Variants in SLC16A7 observed in about 807,000 individuals in gnomAD.
SLC16A7 encodes monocarboxylate transporter 2.
Under a neutral mutation model 34.9 loss-of-function variants are expected in SLC16A7, and 33 were observed. The ratio of observed to expected loss-of-function variants is 0.94; its 90% CI spans 0.72 to 1.26. The LOEUF (loss-of-function observed/expected upper bound fraction) is 1.26, where lower values mean the gene tolerates loss of function less well. SLC16A7 is among the 50% of genes most tolerant of loss of function. The probability of loss-of-function intolerance (pLI) is 0.00; values close to 1 mark genes in which losing one functional copy is unlikely to be tolerated. For missense variants in SLC16A7, 573 were observed against 578.1 expected, an observed-to-expected ratio of 0.99 and a Z score of 0.09; for synonymous variants, 201 against 206.6, an observed-to-expected ratio of 0.97 and a Z score of 0.23.
intron 2 of SLC16A7, among the ~76,000 whole-genome samples, chr12:59,689,096 T>C (rs1871368111): frequency 6.6e-6 from 1 of 152,020 alleles, no homozygotes; most frequent in South Asian, 2.1e-4. Flanking sequence ...TCACTATTTT[T>C]AAACTAAAAA....
chr12:59,765,372 G>A (rs538005846), intron 3 of SLC16A7, among the ~76,000 whole-genome samples: 135 of 152,122 alleles, frequency 8.9e-4, no homozygotes, highest in African/African-American at 2.4e-3. Flanking sequence ...TTTTGTTGCC[G>A]TTGCTTTTGG....
intron 2 of SLC16A7, among the ~76,000 whole-genome samples, chr12:59,695,656 T>C (rs1227826553): frequency 6.6e-6 from 1 of 152,054 alleles, no homozygotes; most frequent in Non-Finnish European, 1.5e-5. Context: ...GTTGCCTTTG[T>C]TCAGCACTTT....
intron 1 of SLC16A7, among the ~76,000 whole-genome samples, chr12:59,623,713 G>T (rs937784231): frequency 1.3e-5 from 2 of 151,574 alleles, no homozygotes; most frequent in Non-Finnish European, 1.5e-5. Context: ...TATGCAAAGA[G>T]AATTTTGTTT....
At chr12:59,750,614 A>G (rs756614395) in intron 3 of SLC16A7, among the ~76,000 whole-genome samples, 1 of 152,198 alleles carries the variant, frequency 6.6e-6, no homozygotes, top group Non-Finnish European at 1.5e-5. Flanking sequence ...TGTTGGTGGA[A>G]GTGTAAATTA....
At chr12:59,607,112 G>A (rs1225121793) in intron 1 of SLC16A7, among the ~76,000 whole-genome samples, 1 of 152,044 alleles carries the variant, frequency 6.6e-6, no homozygotes, top group African/African-American at 2.4e-5. Flanking sequence ...GAGTAGTTGT[G>A]ACTTAGCCTG....
chr12:59,713,584 A>G (rs1043282106), intron 3 of SLC16A7, among the ~76,000 whole-genome samples: 13 of 152,210 alleles, frequency 8.5e-5, no homozygotes, highest in Non-Finnish European at 4.4e-5. Flanking sequence ...ATTGTTCCAA[A>G]GGGATTTTTA....
rs895800790 is a variant in SLC16A7 at position 59,786,221 on chromosome 12, A to G, written c.*6542A>G. 6.6e-6 allele frequency: 1 copy of G among 150,924 alleles called. No individual in the cohort carries two copies. Among genetic ancestry groups the G allele is most frequent in the African/African-American group, 2.4e-5 (1 of 41,348 alleles). 9.3% of individuals were successfully genotyped at this position (150,924 alleles called of 1,614,324 possible). A position where few individuals can be genotyped will look rare whatever the true frequency, so the allele number is the denominator to read the frequency against. On this transcript the variant is annotated 3_prime_UTR_variant, in exon 6 of 6. Transcript: ENST00000547379. ...AAAATAAAATAAAATAATAAAAATAAAAATAAAATAGAATAAGTTGATAAA... is the reference window on the plus strand; with the variant it reads ...AAAATAAAATAAAATAATAAAAATAGAAATAAAATAGAATAAGTTGATAAA...
intron 1 of SLC16A7, among the ~76,000 whole-genome samples, chr12:59,601,652 A>C (rs912192644): frequency 4.6e-5 from 7 of 152,212 alleles, no homozygotes; most frequent in Admixed American, 4.6e-4. Flanking sequence ...TAGACAGATT[A>C]GGTAGCTTAT....
chr12:59,709,996 T>C (rs558020822), intron 3 of SLC16A7, among the ~76,000 whole-genome samples: 4 of 151,802 alleles, frequency 2.6e-5, no homozygotes, highest in African/African-American at 7.3e-5. Flanking sequence ...TACTGATCAT[T>C]ACAAACATGA....
chr12:59,716,339 A>G (rs778262751), intron 3 of SLC16A7, among the ~76,000 whole-genome samples: 2 of 152,198 alleles, frequency 1.3e-5, no homozygotes, highest in African/African-American at 2.4e-5. Flanking sequence ...AAACCGTTAA[A>G]TAGAACTCCG....
intron 3 of SLC16A7, among the ~76,000 whole-genome samples, chr12:59,710,976 A>G (rs1178925124): frequency 6.6e-6 from 1 of 152,092 alleles, no homozygotes; most frequent in African/African-American, 2.4e-5. Context: ...TTATGTTGAT[A>G]TTCTTCCCCT....
intron 2 of SLC16A7, among the ~76,000 whole-genome samples, chr12:59,665,943 A>G (rs1869165125): frequency 6.6e-6 from 1 of 152,048 alleles, no homozygotes; most frequent in Admixed American, 6.6e-5. Context: ...CTGGATTTAG[A>G]TTCAAGTAAA....
intron 2 of SLC16A7, among the ~76,000 whole-genome samples, chr12:59,697,178 T>C (rs934349079): frequency 3.3e-5 from 5 of 151,936 alleles, no homozygotes; most frequent in African/African-American, 1.2e-4. Flanking sequence ...ATGAATTTAA[T>C]AGGGAATATA....
rs952308953 is a variant in SLC16A7 at position 59,780,661 on chromosome 12, T to A, written c.*982T>A. ...TCAGGCATCAATCCAGATTCACTGT[T>A]ATACTGAAATATCAAAGTAAAATCC... On this transcript the variant is annotated 3_prime_UTR_variant, in exon 6 of 6. Transcript: ENST00000547379. The A allele has an allele frequency of 6.6e-6, 1 of 152,148 alleles. No homozygotes were observed. The highest frequency in any genetic ancestry group is 2.4e-5 in the African/African-American group (1 of 41,448). 9.4% of individuals were successfully genotyped at this position (152,148 alleles called of 1,614,324 possible). A position where few individuals can be genotyped will look rare whatever the true frequency, so the allele number is the denominator to read the frequency against.
intron 1 of SLC16A7, among the ~76,000 whole-genome samples, chr12:59,609,336 A>G (rs573189477): frequency 6.6e-6 from 1 of 152,378 alleles, no homozygotes; most frequent in South Asian, 2.1e-4. Flanking sequence ...TGGTTTGTTG[A>G]CAGACTTCAG....
intron 1 of SLC16A7, among the ~76,000 whole-genome samples, chr12:59,618,660 T>A (rs1174338808): frequency 6.6e-6 from 1 of 151,974 alleles, no homozygotes; most frequent in African/African-American, 2.4e-5. Context: ...AATTGTTTGT[T>A]AATCACACTC....
chr12:59,611,060 GA>G (rs1565616936), intron 1 of SLC16A7, among the ~76,000 whole-genome samples: 2 of 152,190 alleles, frequency 1.3e-5, no homozygotes. Flanking sequence ...AGTGGTGAGA[GA>G]GCTCTCTTAG....
At chr12:59,765,974 G>C (rs74921895) in intron 3 of SLC16A7, among the ~76,000 whole-genome samples, 11,588 of 152,154 alleles carry the variant, frequency 0.076, 533 homozygotes, top group South Asian at 0.17. Flanking sequence ...AGCATGGAAT[G>C]TTCTTCCATT....
intron 3 of SLC16A7, among the ~76,000 whole-genome samples, chr12:59,738,416 G>A (rs1042722894): frequency 6.6e-6 from 1 of 152,142 alleles, no homozygotes; most frequent in Non-Finnish European, 1.5e-5. Context: ...TGAGGGCTGG[G>A]CTGCTATTTC....
Sources: gnomAD v4.1 joint callset for allele counts (sites outside exome capture counted in the v4.1 genomes callset) on GRCh38, gnomAD v4.1.1 for gene constraint, MANE v1.5 for transcripts, NCBI Gene and HGNC (gene_info 2026-07-23, HGNC 2026-07-21) for gene names.